Variants in PARG observed in about 807,000 individuals in gnomAD.
The protein encoded by PARG is mitochondrial poly(ADP-ribose) glycohydrolase.
In PARG, 35 loss-of-function variants were observed where a neutral mutation model predicts 113.0. That is an observed-to-expected ratio of 0.31 (90% CI 0.24 to 0.41). PARG has a LOEUF of 0.41. PARG is among the 10% of genes least tolerant of loss of function. The pLI, the probability that PARG is intolerant of heterozygous loss-of-function variation, is 1.00. For synonymous variants in PARG, 330 were observed against 409.9 expected (o/e 0.81, Z 2.36); for missense variants, 797 against 1,169.4 (o/e 0.68, Z 4.64).
At position 49,934,033 on chromosome 10, in the gene PARG, T is replaced by C. The variant is rs1474996363; in HGVS notation, c.415A>G (p.Thr139Ala). The C allele has an allele frequency of 1.9e-6, 3 of 1,610,196 alleles. No individual in the cohort carries two copies. The highest frequency in any genetic ancestry group is 2.7e-5 in the African/African-American group (2 of 74,872). Reference protein sequence around the residue: ...VSQLSLDKSPTEKSTQYLNQH... With the variant: ...VSQLSLDKSPAEKSTQYLNQH... ...TTCAAATACTGTGTACTTTTTTCAG[T>C]GGGTGACTTATCAAGACTTAGCTGA... Residue 139 changes from threonine (T) to alanine (A), a missense_variant, in exon 3 of 18, where the codon ACT becomes GCT. Physicochemically the swap from Thr to Ala is moderately conservative, Grantham distance 58 (BLOSUM62 0). Around this residue, in one of 5 missense-constraint regions of PARG, gnomAD observed 284 missense variants for 306.1 expected, o/e 0.93. Transcript: ENST00000616448.
Position 49,819,437 on chromosome 10 carries a change from G to T in PARG, c.2834C>A (p.Thr945Asn). 1 of 1,550,154 alleles carries T rather than the reference G, an allele frequency of 6.5e-7. No homozygotes were observed. The highest frequency in any genetic ancestry group is 8.7e-7 in the Non-Finnish European group (1 of 1,145,556). ...ATAAAGCTTGATGTCTGGTCCAGGG[G>T]TGGAACAGTTTCTGCATTCTTCATT... ...YYNEECRNCS[T>N]PGPDIKLYPF... Residue 945 changes from threonine (T) to asparagine (N), a missense_variant, in exon 18 of 18, where the codon ACC becomes AAC. By Grantham distance (65) the Thr-to-Asn change is moderately conservative. Around this residue, in one of 5 missense-constraint regions of PARG, gnomAD observed 194 missense variants for 247.1 expected, o/e 0.79. Transcript: ENST00000616448.
intron 7 of PARG, among the ~76,000 whole-genome samples, chr10:49,907,244 C>T (rs1294460396): frequency 1.3e-5 from 2 of 152,192 alleles, no homozygotes; most frequent in Non-Finnish European, 2.9e-5. Context: ...TTACTAAAAA[C>T]TTCATTAACA....
intron 10 of PARG, among the ~76,000 whole-genome samples, chr10:49,866,915 TCA>T (rs1392478307): frequency 1.3e-5 from 2 of 151,800 alleles, no homozygotes; most frequent in Admixed American, 6.6e-5. Context: ...TTAAAATACT[TCA>T]GTCTCAAGAT....
intron 4 of PARG, among the ~76,000 whole-genome samples, chr10:49,927,528 G>A (rs1554850957): frequency 6.6e-6 from 1 of 151,924 alleles, no homozygotes; most frequent in African/African-American, 2.4e-5. Flanking sequence ...AAGGCTTGAG[G>A]AACTCCAACA....
At chr10:49,891,367 T>C (rs1847773176) in intron 7 of PARG, among the ~76,000 whole-genome samples, 1 of 151,308 alleles carries the variant, frequency 6.6e-6, no homozygotes, top group Non-Finnish European at 1.5e-5. Flanking sequence ...CACAAATCAA[T>C]GAATACAAGA....
At chr10:49,887,442 C>T in intron 7 of PARG, among the ~76,000 whole-genome samples, 1 of 152,182 alleles carries the variant, frequency 6.6e-6, no homozygotes, top group Middle Eastern at 3.4e-3. Context: ...CTCATGCTAC[C>T]CATTTATAGT....
intron 7 of PARG, among the ~76,000 whole-genome samples, chr10:49,897,746 AC>A (rs1564640872): frequency 3.3e-5 from 5 of 152,196 alleles, no homozygotes; most frequent in Non-Finnish European, 5.9e-5. Flanking sequence ...AGTGGCTCAC[AC>A]CTATAACCCC....
chr10:49,897,921 G>A (rs1465239704), intron 7 of PARG, among the ~76,000 whole-genome samples: 33 of 152,222 alleles, frequency 2.2e-4, no homozygotes, highest in African/African-American at 7.5e-4. Flanking sequence ...GAGCTCGGGA[G>A]GTGGAGGTTG....
chr10:49,915,886 T>C (rs1293734702), intron 7 of PARG, 31 bp downstream of exon 7: 1 of 1,160,906 alleles, frequency 8.6e-7, no homozygotes, highest in African/African-American at 1.5e-5. Context: ...TTGTCAATAA[T>C]ATTTTCATAA....
At chr10:49,866,071 G>A (rs1312637068) in intron 10 of PARG, among the ~76,000 whole-genome samples, 1 of 145,536 alleles carries the variant, frequency 6.9e-6, no homozygotes, top group Admixed American at 7.0e-5. Flanking sequence ...GGATCTAAAT[G>A]AAGTACTATT....
intron 13 of PARG, among the ~76,000 whole-genome samples, chr10:49,852,835 GA>G (rs1554834437): frequency 6.6e-6 from 1 of 150,468 alleles, no homozygotes; most frequent in African/African-American, 2.4e-5. Flanking sequence ...AAAGTGCTGG[GA>G]TTACAGGGGT....
chr10:49,893,554 T>C (rs1554842014), intron 7 of PARG, among the ~76,000 whole-genome samples: 1 of 152,206 alleles, frequency 6.6e-6, no homozygotes, highest in Non-Finnish European at 1.5e-5. Context: ...TCTCACTGTG[T>C]CGCCAAAGCT....
chr10:49,930,488 A>G (rs1363979139), intron 4 of PARG, among the ~76,000 whole-genome samples: 12 of 152,256 alleles, frequency 7.9e-5, no homozygotes, highest in African/African-American at 2.9e-4. Context: ...TGTGATATGA[A>G]CCCAATCCAA....
chr10:49,941,162 C>T (rs1839034560), intron 1 of PARG, among the ~76,000 whole-genome samples: 2 of 152,292 alleles, frequency 1.3e-5, no homozygotes, highest in Admixed American at 1.3e-4. Context: ...AAGTTGTTTT[C>T]TTCCTATCTA....
At chr10:49,841,703 A>C (rs1280398370) in intron 15 of PARG, among the ~76,000 whole-genome samples, 4 of 152,200 alleles carry the variant, frequency 2.6e-5, no homozygotes, top group Non-Finnish European at 4.4e-5. Context: ...AAGGTACTTG[A>C]TGAGATAAAT....
At chr10:49,844,234 T>C (rs1349945580) in intron 13 of PARG, among the ~76,000 whole-genome samples, 1 of 152,134 alleles carries the variant, frequency 6.6e-6, no homozygotes, top group Non-Finnish European at 1.5e-5. Flanking sequence ...GTCTGTGTAC[T>C]AGCAACAAAC....
chr10:49,870,035 A>G (rs1393287933), intron 9 of PARG, among the ~76,000 whole-genome samples: 1 of 152,192 alleles, frequency 6.6e-6, no homozygotes, highest in African/African-American at 2.4e-5. Flanking sequence ...ATAACAAGAT[A>G]TCAGGGCTCA....
At position 49,819,434 on chromosome 10, in the gene PARG, G is replaced by C; in HGVS notation, c.2837C>G (p.Pro946Arg). 1.3e-6 allele frequency: 2 copies of C among 1,550,408 alleles called. No homozygotes were observed. Among genetic ancestry groups the C allele is most frequent in the South Asian group, 2.4e-5 (2 of 84,046 alleles). Residue 946 changes from proline (P) to arginine (R), a missense_variant, in exon 18 of 18, where the codon CCT becomes CGT. This residue lies in a region of PARG where 194 missense variants were observed against 247.1 expected (regional missense o/e 0.79). Coordinates refer to ENST00000616448, the MANE Select transcript of PARG (RefSeq NM_003631.5). ...YNEECRNCST[P>R]GPDIKLYPFI... is the part of the protein sequence containing the mutation. ...TGGATAAAGCTTGATGTCTGGTCCAGGGGTGGAACAGTTTCTGCATTCTTC... is the reference window on the plus strand; with the variant it reads ...TGGATAAAGCTTGATGTCTGGTCCACGGGTGGAACAGTTTCTGCATTCTTC...
At chr10:49,899,341 G>A (rs559115763) in intron 7 of PARG, among the ~76,000 whole-genome samples, 2 of 152,272 alleles carry the variant, frequency 1.3e-5, no homozygotes, top group South Asian at 2.1e-4. Flanking sequence ...ACTGGAGAAG[G>A]TGAAAATTTC....
Sources: allele counts gnomAD v4.1 joint callset (sites outside exome capture counted in the v4.1 genomes callset), GRCh38; gene constraint gnomAD v4.1.1; regional missense constraint gnomAD v4.1.1; transcripts MANE v1.5; gene names NCBI Gene and HGNC (gene_info 2026-07-23, HGNC 2026-07-21).